INSYN2B: variants seen among roughly 807,000 people sequenced by gnomAD.
INSYN2B encodes protein INSYN2B.
A neutral mutation model predicts 41.2 loss-of-function variants in INSYN2B; 16 were observed. The observed-to-expected ratio is 0.39, with a 90% confidence interval of 0.26 to 0.59. The LOEUF is 0.59. INSYN2B is among the 20% of genes least tolerant of loss of function. The pLI is 0.57. For missense variants in INSYN2B, 608 were observed against 646.4 expected, an observed-to-expected ratio of 0.94 and a Z score of 0.64; for synonymous variants, 245 against 244.4, an observed-to-expected ratio of 1.00 and a Z score of -0.02.
chr5:169,907,532 T>C (rs1005880190), intron 1 of INSYN2B, among the ~76,000 whole-genome samples: 1 of 152,232 alleles, frequency 6.6e-6, no homozygotes. Context: ...TAGCGAAGAC[T>C]AGTTGCCAGT....
At chr5:169,889,947 A>C (rs1263294790) in intron 1 of INSYN2B, among the ~76,000 whole-genome samples, 1 of 152,212 alleles carries the variant, frequency 6.6e-6, no homozygotes, top group African/African-American at 2.4e-5. Context: ...CCCTTCTCTG[A>C]ACTTAGTAAT....
intron 1 of INSYN2B, among the ~76,000 whole-genome samples, chr5:169,956,864 A>T (rs111927234): frequency 3.3e-5 from 5 of 152,302 alleles, no homozygotes; most frequent in African/African-American, 1.2e-4. Context: ...TGCATCAAAT[A>T]TAAGGAAAAT....
chr5:169,870,106 G>A (rs1016779730), intron 3 of INSYN2B, among the ~76,000 whole-genome samples: 1 of 152,136 alleles, frequency 6.6e-6, no homozygotes, highest in African/African-American at 2.4e-5. Context: ...TGTGGTTTAG[G>A]GATGCTCAGT....
At chr5:169,961,993 A>AAAAAAAAAAAAAAAAAAAAG (rs1777107880) in intron 1 of INSYN2B, among the ~76,000 whole-genome samples, 1 of 150,408 alleles carries the variant, frequency 6.6e-6, no homozygotes, top group Non-Finnish European at 1.5e-5. Flanking sequence ...AAAAAAAAAA[A>AAAAAAAAAAAAAAAAAAAAG]AATGGAGAAA....
intron 1 of INSYN2B, among the ~76,000 whole-genome samples, chr5:169,951,979 C>T (rs1241665057): frequency 6.6e-6 from 1 of 152,206 alleles, no homozygotes; most frequent in Non-Finnish European, 1.5e-5. Flanking sequence ...AAGTCACTCC[C>T]TTTTATACAA....
intron 1 of INSYN2B, among the ~76,000 whole-genome samples, chr5:169,925,558 C>T (rs1011956257): frequency 3.3e-5 from 4 of 119,806 alleles, no homozygotes; most frequent in Non-Finnish European, 4.8e-5. Context: ...CCAGCCTGGG[C>T]GACAGAGCAA....
intron 1 of INSYN2B, among the ~76,000 whole-genome samples, chr5:169,978,883 C>G (rs896029746): frequency 6.6e-6 from 1 of 152,154 alleles, no homozygotes; most frequent in Non-Finnish European, 1.5e-5. Context: ...TGCTGTGATT[C>G]ATTAGCCACA....
intron 3 of INSYN2B, among the ~76,000 whole-genome samples, chr5:169,879,986 A>T (rs1280115080): frequency 1.3e-5 from 2 of 152,212 alleles, no homozygotes; most frequent in African/African-American, 4.8e-5. Flanking sequence ...CTTGTTTATG[A>T]TGAATAGTTT....
chr5:169,893,275 C>A (rs1581371450), intron 1 of INSYN2B, among the ~76,000 whole-genome samples: 1 of 152,310 alleles, frequency 6.6e-6, no homozygotes, highest in African/African-American at 2.4e-5. Flanking sequence ...TGAAAGGTCA[C>A]CTCCAGCTTG....
chr5:169,882,576 C>T lies in INSYN2B; in HGVS notation c.1323G>A (p.Glu441=). 3 of 1,548,814 alleles carry T rather than the reference C, an allele frequency of 1.9e-6. No individual in the cohort carries two copies. The highest frequency in any genetic ancestry group is 2.4e-5 in the East Asian group (1 of 40,848). ...ACCCTTCAGTGAGAGCTCGAGCTTT[C>T]TCCAAGTCTTGAATTACATTCAAAA... ...KVLLNVIQDL[E]KARALTEGRN... The change falls in exon 2 of 4, where the codon GAG becomes GAA. Residue 441 remains glutamate (E), a synonymous_variant. Coordinates refer to ENST00000377365, the MANE Select transcript of INSYN2B (RefSeq NM_001129891.3).
chr5:169,917,104 A>G (rs1389723671), intron 1 of INSYN2B, among the ~76,000 whole-genome samples: 1 of 152,208 alleles, frequency 6.6e-6, no homozygotes, highest in African/African-American at 2.4e-5. Context: ...TGATCAAGCC[A>G]CCAAATCTCA....
At chr5:169,916,451 G>C (rs905245922) in intron 1 of INSYN2B, among the ~76,000 whole-genome samples, 2 of 152,224 alleles carry the variant, frequency 1.3e-5, no homozygotes, top group Non-Finnish European at 2.9e-5. Flanking sequence ...TGCACTTAGA[G>C]AGTGAGAGCA....
At chr5:169,893,354 GA>G (rs558260233) in intron 1 of INSYN2B, among the ~76,000 whole-genome samples, 2 of 152,248 alleles carry the variant, frequency 1.3e-5, no homozygotes, top group South Asian at 4.2e-4. Context: ...GCTTCTCATA[GA>G]AGAAAGGGCA....
At chr5:169,970,463 G>A (rs1777462779) in intron 1 of INSYN2B, among the ~76,000 whole-genome samples, 1 of 152,202 alleles carries the variant, frequency 6.6e-6, no homozygotes, top group South Asian at 2.1e-4. Flanking sequence ...GAAGGTCAGG[G>A]GACTGCTGTT....
At chr5:169,945,092 T>C (rs1229641798) in intron 1 of INSYN2B, among the ~76,000 whole-genome samples, 4 of 152,202 alleles carry the variant, frequency 2.6e-5, no homozygotes, top group African/African-American at 7.2e-5. Context: ...ATTCTCAGAT[T>C]AGGGAACCGA....
chr5:169,943,945 C>T (rs1776345029), intron 1 of INSYN2B, among the ~76,000 whole-genome samples: 2 of 152,210 alleles, frequency 1.3e-5, no homozygotes, highest in African/African-American at 4.8e-5. Context: ...AGAAAAGCCA[C>T]TTTGCTTTCT....
intron 1 of INSYN2B, among the ~76,000 whole-genome samples, chr5:169,929,517 G>A (rs906332691): frequency 3.9e-5 from 6 of 152,056 alleles, no homozygotes; most frequent in Non-Finnish European, 7.4e-5. Flanking sequence ...GGGGAGGATT[G>A]CTTGAGCCCA....
chr5:169,894,570 A>G (rs1400868372), intron 1 of INSYN2B, among the ~76,000 whole-genome samples: 1 of 152,076 alleles, frequency 6.6e-6, no homozygotes, highest in Non-Finnish European at 1.5e-5. Flanking sequence ...AGAAGGGGGG[A>G]AGTTTATGGT....
At chr5:169,874,290 A>G (rs1189770681) in intron 3 of INSYN2B, among the ~76,000 whole-genome samples, 1 of 151,516 alleles carries the variant, frequency 6.6e-6, no homozygotes, top group African/African-American at 2.4e-5. Flanking sequence ...GCGGGCACCT[A>G]TAATCCCAGC....
Sources: gnomAD v4.1 joint callset for allele counts (sites outside exome capture counted in the v4.1 genomes callset) on GRCh38, gnomAD v4.1.1 for gene constraint, MANE v1.5 for transcripts, NCBI Gene and HGNC (gene_info 2026-07-23, HGNC 2026-07-21) for gene names.